The following TMEM178A variants were observed in gnomAD, a reference collection of about 807,000 sequenced individuals.
TMEM178A encodes the protein transmembrane protein 178.
In TMEM178A, 12 loss-of-function variants were observed where a neutral mutation model predicts 29.1. The observed-to-expected ratio is 0.41, with a 90% confidence interval of 0.26 to 0.67. The LOEUF (loss-of-function observed/expected upper bound fraction) is 0.67. Ranked by LOEUF, TMEM178A falls within the 30% of genes least tolerant of loss-of-function variation. TMEM178A has a pLI of 0.29. For synonymous variants in TMEM178A, 210 were observed against 187.2 expected (o/e 1.12, Z -0.99); for missense variants, 366 against 419.1 (o/e 0.87, Z 1.11).
chr2:39,732,558 C>T, the TMEM178A span, among the ~76,000 whole-genome samples: 2 of 152,114 alleles, frequency 1.3e-5, no homozygotes, highest in African/African-American at 4.8e-5. Context: ...CATGGTCAAG[C>T]CCTCAGAAGC....
At chr2:39,735,840 G>C in the TMEM178A span, among the ~76,000 whole-genome samples, 1 of 152,192 alleles carries the variant, frequency 6.6e-6, no homozygotes, top group Non-Finnish European at 1.5e-5. Flanking sequence ...TGTTGCCACT[G>C]GGCACAAATG....
intron 1 of TMEM178A, among the ~76,000 whole-genome samples, chr2:39,671,452 T>G (rs997541449): frequency 2.0e-5 from 3 of 152,192 alleles, no homozygotes; most frequent in Non-Finnish European, 2.9e-5. Flanking sequence ...GACCCAGTGG[T>G]TCACAGATTG....
intron 2 of TMEM178A, among the ~76,000 whole-genome samples, chr2:39,706,087 G>A (rs1336097567): frequency 6.6e-6 from 1 of 152,236 alleles, no homozygotes; most frequent in East Asian, 1.9e-4. Flanking sequence ...ATAGCTGGAA[G>A]GTAGGCAAGG....
chr2:39,667,679 C>T (rs1670231369), intron 1 of TMEM178A, among the ~76,000 whole-genome samples: 1 of 152,194 alleles, frequency 6.6e-6, no homozygotes, highest in South Asian at 2.1e-4. Flanking sequence ...TGTCAACTTC[C>T]TCCTTCCCAT....
chr2:39,706,177 T>G (rs1386258412), intron 2 of TMEM178A, among the ~76,000 whole-genome samples: 1 of 152,154 alleles, frequency 6.6e-6, no homozygotes, highest in Non-Finnish European at 1.5e-5. Context: ...GTCAGGCATG[T>G]GGGGAAAGAG....
At chr2:39,667,115 G>A (rs192380927) in intron 1 of TMEM178A, among the ~76,000 whole-genome samples, 2 of 152,328 alleles carry the variant, frequency 1.3e-5, no homozygotes, top group East Asian at 3.9e-4. Context: ...CACCCTCCTC[G>A]CTGTCCAGGC....
Position 39,666,390 on chromosome 2 carries a change from A to AC in TMEM178A, c.400+20dup. 7.5e-7 allele frequency: 1 copy of AC among 1,336,968 alleles called. No homozygotes were observed. The highest frequency in any genetic ancestry group is 9.6e-7 in the Non-Finnish European group (1 of 1,040,042). The allele number at this position is 1,336,968 out of a possible 1,614,324, so 82.8% of individuals were successfully genotyped here. ...ATCCTGAAAGGTGAGCGGCGGGCGC[A>AC]CCCCGCGTCCCCGGCGCCCGCGCGT... On this transcript the variant is annotated intron_variant, in intron 1 of 3. Coordinates refer to ENST00000281961, the MANE Select transcript of TMEM178A (RefSeq NM_152390.3).
chr2:39,703,414 A>G (rs190711583), intron 1 of TMEM178A, among the ~76,000 whole-genome samples: 100 of 152,308 alleles, frequency 6.6e-4, no homozygotes, highest in African/African-American at 2.3e-3. Flanking sequence ...ATCAATGTGT[A>G]CACCTGCCCA....
At position 39,679,480 on chromosome 2, in the gene TMEM178A, GTGTAT is replaced by G. The variant is rs1385775024; in HGVS notation, c.400+13107_400+13111del. On this transcript the variant is annotated intron_variant, in intron 1 of 3. Transcript: ENST00000281961. Reference sequence around the variant, plus strand: ...TTTTTGAAGTATTCAAAAAAAATCAGTGTATAACTAACAAAGAGTGCATCTTTATG... The same window carrying G: ...TTTTTGAAGTATTCAAAAAAAATCAGAACTAACAAAGAGTGCATCTTTATG... Among the ~76,000 whole-genome samples the G allele has an allele frequency of 8.0e-4, 121 of 152,086 alleles. 4 individuals are homozygous for G. The East Asian group carries it at 0.022, about 27-fold the overall frequency.
intron 3 of TMEM178A, 101 bp from the exon 4 acceptor site, chr2:39,716,909 G>A: frequency 7.4e-7 from 1 of 1,350,658 alleles, no homozygotes; most frequent in Non-Finnish European, 1.0e-6. Context: ...TGGAGTGACT[G>A]CCTCAGTGGT....
intron 1 of TMEM178A, among the ~76,000 whole-genome samples, chr2:39,674,572 C>T (rs1670535832): frequency 6.6e-6 from 1 of 152,124 alleles, no homozygotes; most frequent in South Asian, 2.1e-4. Flanking sequence ...GTGTTTACTG[C>T]TCCAGTGCTG....
At chr2:39,697,610 A>T (rs1308926317) in intron 1 of TMEM178A, among the ~76,000 whole-genome samples, 1 of 151,720 alleles carries the variant, frequency 6.6e-6, no homozygotes, top group Non-Finnish European at 1.5e-5. Flanking sequence ...ACACCTCATC[A>T]TTTTCCCTAC....
At chr2:39,684,712 C>T (rs760536180) in intron 1 of TMEM178A, among the ~76,000 whole-genome samples, 7 of 152,148 alleles carry the variant, frequency 4.6e-5, no homozygotes, top group Admixed American at 6.5e-5. Context: ...GAGCTCTTCT[C>T]CCCCGGTCCC....
intron 1 of TMEM178A, among the ~76,000 whole-genome samples, chr2:39,670,855 AT>A (rs1670382105): frequency 6.6e-6 from 1 of 152,194 alleles, no homozygotes; most frequent in South Asian, 2.1e-4. Context: ...TTAATGAAAC[AT>A]TTTCATTAAA....
Position 39,666,025 on chromosome 2 carries a change from C to T in TMEM178A, c.51C>T (p.Cys17=), listed in dbSNP as rs1670133625. 2 of 1,541,564 alleles carry T rather than the reference C, an allele frequency of 1.3e-6. No individual in the cohort carries two copies. Among genetic ancestry groups the T allele is most frequent in the Non-Finnish European group, 1.7e-6 (2 of 1,147,382 alleles). Residue 17 remains cysteine (C), a synonymous_variant, in exon 1 of 4, where the codon TGC becomes TGT. Transcript: ENST00000281961. ...CGCTCAGCCTCGGCCTCAGCCTGTG[C>T]TCCCTGGGGCTGCTCGTCACGGCCA... ...VTALSLGLSL[C]SLGLLVTAIF...
chr2:39,675,697 G>T (rs1036339942), intron 1 of TMEM178A, among the ~76,000 whole-genome samples: 1 of 152,012 alleles, frequency 6.6e-6, no homozygotes, highest in African/African-American at 2.4e-5. Context: ...GTATTTACAG[G>T]TTAAAATGCC....
intron 1 of TMEM178A, among the ~76,000 whole-genome samples, chr2:39,701,609 G>C (rs771613337): frequency 6.6e-6 from 1 of 151,982 alleles, no homozygotes; most frequent in Non-Finnish European, 1.5e-5. Flanking sequence ...GGAAGTTTTG[G>C]CAGTTATTTC....
chr2:39,706,898 A>C, intron 2 of TMEM178A, 151 bp from the exon 3 acceptor site: 28 of 796,800 alleles, frequency 3.5e-5, no homozygotes, highest in Non-Finnish European at 3.6e-5. Context: ...ATACCTGGGA[A>C]GAGTATTCCC....
chr2:39,707,199 C>T lies in TMEM178A; in HGVS notation c.652+13C>T, dbSNP rs149030387. On this transcript the variant is annotated intron_variant, in intron 3 of 3. Coordinates refer to ENST00000281961, the MANE Select transcript of TMEM178A (RefSeq NM_152390.3). The stretch of plus-strand genomic sequence containing the variant: ...TTCCTCATGACAGGTAGGCTGCATG[C>T]CTCAGGCCGTCTGTCCCAGCCAAGG... 6.2e-6 allele frequency: 10 copies of T among 1,603,318 alleles called. No individual in the cohort carries two copies. The highest frequency in any genetic ancestry group is 8.5e-6 in the Non-Finnish European group (10 of 1,175,852).
Sources: allele counts gnomAD v4.1 joint callset (sites outside exome capture counted in the v4.1 genomes callset), GRCh38; gene constraint gnomAD v4.1.1; transcripts MANE v1.5; gene names NCBI Gene and HGNC (gene_info 2026-07-23, HGNC 2026-07-21).